BBS9: variants seen among roughly 807,000 people sequenced by gnomAD.
The protein encoded by BBS9 is protein PTHB1.
In BBS9, 89 loss-of-function variants were observed where a neutral mutation model predicts 117.7. The observed-to-expected ratio is 0.76, with a 90% CI of 0.64 to 0.90. BBS9 has a LOEUF of 0.90. Among genes scored for constraint, BBS9 ranks in the 40% least tolerant of loss-of-function variants. The pLI, the probability that BBS9 is intolerant of heterozygous loss-of-function variation, is 0.00. For synonymous variants in BBS9, 379 were observed against 370.9 expected (o/e 1.02, Z -0.25); for missense variants, 982 against 1,042.2 (o/e 0.94, Z 0.80).
chr7:33,601,923 G>A (rs1585440546), intron 21 of BBS9, among the ~76,000 whole-genome samples: 1 of 151,994 alleles, frequency 6.6e-6, no homozygotes, highest in African/African-American at 2.4e-5. Context: ...CAGCTATGGA[G>A]CCCCTAGTGC....
chr7:33,444,883 A>G (rs901656056), intron 19 of BBS9, among the ~76,000 whole-genome samples: 2 of 152,214 alleles, frequency 1.3e-5, no homozygotes, highest in East Asian at 1.9e-4. Flanking sequence ...ACCTTAAAAT[A>G]CAGTTGAAAA....
At chr7:33,409,945 C>G (rs1299515623) in intron 19 of BBS9, among the ~76,000 whole-genome samples, 1 of 152,128 alleles carries the variant, frequency 6.6e-6, no homozygotes, top group Non-Finnish European at 1.5e-5. Context: ...TCCTATTTCA[C>G]CATGCCTTTT....
intron 21 of BBS9, among the ~76,000 whole-genome samples, chr7:33,565,002 G>A (rs947541181): frequency 3.9e-5 from 6 of 152,134 alleles, no homozygotes; most frequent in African/African-American, 1.4e-4. Flanking sequence ...ATAGCTTGAT[G>A]GTTGGTATTA....
rs760851779 is a variant in BBS9, at chr7:33,336,630, A to T, written c.1198+8A>T. The T allele has an allele frequency of 2.0e-6, 3 of 1,529,858 alleles. No individual in the cohort carries two copies. In the South Asian group the frequency reaches 3.4e-5, roughly 17 times the overall value. The allele number at this position is 1,529,858 out of a possible 1,614,324, so 94.8% of individuals were successfully genotyped here. On this transcript the variant is annotated splice_region_variant and intron_variant, in intron 10 of 22. Transcript: ENST00000242067. ...ATGTTAACAAATCACAAGGTATCTC[A>T]TTTGCAGCTTTTTATTATTTTAGTA... is the stretch of plus-strand genomic sequence containing the variant.
At chr7:33,628,951 T>C (rs1022536060) in intron 21 of BBS9, among the ~76,000 whole-genome samples, 2 of 152,166 alleles carry the variant, frequency 1.3e-5, no homozygotes, top group African/African-American at 4.8e-5. Flanking sequence ...GTAAATGCAA[T>C]GTAACAAGCA....
chr7:33,333,649 T>C (rs1431248488), intron 9 of BBS9, among the ~76,000 whole-genome samples: 9 of 151,886 alleles, frequency 5.9e-5, no homozygotes, highest in African/African-American at 2.2e-4. Context: ...CGAGTCTTGC[T>C]GTGTTGCCCA....
intron 20 of BBS9, among the ~76,000 whole-genome samples, chr7:33,527,565 T>C (rs1849801490): frequency 6.6e-6 from 1 of 152,224 alleles, no homozygotes; most frequent in African/African-American, 2.4e-5. Flanking sequence ...CCCTGACCCC[T>C]TGCGCTTCCC....
chr7:33,158,767 T>A (rs1290628702), intron 4 of BBS9, among the ~76,000 whole-genome samples: 1 of 152,102 alleles, frequency 6.6e-6, no homozygotes, highest in Admixed American at 6.6e-5. Context: ...GTTGTAGATG[T>A]TGTTAAAAGA....
intron 5 of BBS9, among the ~76,000 whole-genome samples, chr7:33,219,262 C>G (rs964127811): frequency 3.3e-5 from 5 of 152,216 alleles, no homozygotes; most frequent in African/African-American, 1.2e-4. Context: ...CTCCCACCCC[C>G]TCCGTGGGCT....
chr7:33,216,938 C>CA (rs934680682), intron 5 of BBS9, among the ~76,000 whole-genome samples: 5 of 151,388 alleles, frequency 3.3e-5, no homozygotes, highest in African/African-American at 9.7e-5. Flanking sequence ...ACTAAAAATA[C>CA]AAAAAAAATG....
chr7:33,466,153 G>A (rs759844317), intron 19 of BBS9, among the ~76,000 whole-genome samples: 4 of 152,022 alleles, frequency 2.6e-5, no homozygotes, highest in Non-Finnish European at 5.9e-5. Flanking sequence ...ATTTTTTTGT[G>A]TGTAGTGGAA....
At chr7:33,260,061 G>A (rs1302921810) in intron 6 of BBS9, among the ~76,000 whole-genome samples, 5 of 150,636 alleles carry the variant, frequency 3.3e-5, no homozygotes, top group South Asian at 4.2e-4. Context: ...GTGCAGTGGC[G>A]CGATTTTGGC....
Position 33,349,177 on chromosome 7 carries a change from T to G in BBS9, c.1432+7T>G, listed in dbSNP as rs150963080. The G allele has an allele frequency of 1.1e-4, 169 of 1,599,990 alleles. No homozygotes were observed. In the African/African-American group the frequency reaches 1.7e-3, roughly 16 times the overall value. ...TTCACCTTTGAATTTATGAGTAAGTTTTTTGTTTTGGCTGAAAGTCTACCA... is the reference window on the plus strand; with the variant it reads ...TTCACCTTTGAATTTATGAGTAAGTGTTTTGTTTTGGCTGAAAGTCTACCA... On this transcript the variant is annotated splice_region_variant and intron_variant, in intron 13 of 22. Transcript: ENST00000242067.
chr7:33,147,175 T>G (rs1792539483), intron 2 of BBS9, among the ~76,000 whole-genome samples: 1 of 152,182 alleles, frequency 6.6e-6, no homozygotes, highest in African/African-American at 2.4e-5. Context: ...CTTCATGTTT[T>G]TTAAGTGACC....
At chr7:33,431,789 C>G (rs1011452524) in intron 19 of BBS9, among the ~76,000 whole-genome samples, 12 of 152,092 alleles carry the variant, frequency 7.9e-5, no homozygotes, top group Non-Finnish European at 1.6e-4. Flanking sequence ...AGAAAGAGAG[C>G]CATATGTTTA....
chr7:33,569,764 AAAAAT>A (rs756903304), intron 21 of BBS9, among the ~76,000 whole-genome samples: 55 of 152,314 alleles, frequency 3.6e-4, no homozygotes, highest in South Asian at 8.3e-4. Flanking sequence ...TCCGTTTCAA[AAAAAT>A]AAAATAAAAT....
intron 21 of BBS9, among the ~76,000 whole-genome samples, chr7:33,604,122 T>C (rs759355357): frequency 5.9e-5 from 9 of 152,230 alleles, no homozygotes; most frequent in Non-Finnish European, 1.0e-4. Flanking sequence ...TACAACATGT[T>C]AGTACATTTC....
chr7:33,496,364 G>C (rs1844712310), intron 19 of BBS9, among the ~76,000 whole-genome samples: 2 of 152,076 alleles, frequency 1.3e-5, no homozygotes. Flanking sequence ...AATTAGCTAG[G>C]CGTGGTGGTG....
At chr7:33,576,842 G>C (rs1858980672) in intron 21 of BBS9, among the ~76,000 whole-genome samples, 1 of 152,102 alleles carries the variant, frequency 6.6e-6, no homozygotes, top group Non-Finnish European at 1.5e-5. Flanking sequence ...GGGAAAACTG[G>C]CTAGCCATAT....
Sources: allele counts gnomAD v4.1 joint callset (sites outside exome capture counted in the v4.1 genomes callset), GRCh38; gene constraint gnomAD v4.1.1; transcripts MANE v1.5; gene names NCBI Gene and HGNC (gene_info 2026-07-23, HGNC 2026-07-21).